Variants in TDP2 observed in about 807,000 individuals in gnomAD.
TDP2 encodes the protein 5'-Tyr-DNA phosphodiesterase.
Under a neutral mutation model 42.8 loss-of-function variants are expected in TDP2, and 38 were observed. The ratio of observed to expected loss-of-function variants is 0.89; its 90% CI spans 0.68 to 1.16. TDP2 has a LOEUF of 1.16. Ranked by LOEUF, TDP2 falls within the 50% of genes most tolerant of loss-of-function variation. The pLI, the probability that TDP2 is intolerant of heterozygous loss-of-function variation, is 0.00. For synonymous variants in TDP2, 173 were observed against 150.6 expected, an observed-to-expected ratio of 1.15 and a Z score of -1.09; for missense variants, 439 against 439.3, an observed-to-expected ratio of 1.00 and a Z score of 0.01.
rs1458233192 is a variant in TDP2 at position 24,666,547 on chromosome 6, G to A, written c.230C>T (p.Thr77Ile). ...TTACTAGGTCTTGGGCTCAGAGATG[G>A]TTTCAGGTCGGCGTTCCAAGGCGCT... ...EESALERRPE[T>I]ISEPKTYVDL... Residue 77 changes from threonine to isoleucine, a missense_variant, in exon 2 of 7, where the codon ACC becomes ATC. Thr to Ile is a moderately conservative substitution (Grantham distance 89). Transcript: ENST00000378198. The A allele has an allele frequency of 3.7e-6, 6 of 1,614,106 alleles. No homozygotes were observed. Among genetic ancestry groups the A allele is most frequent in the Non-Finnish European group, 5.1e-6 (6 of 1,179,952 alleles).
chr6:24,657,920 A>C lies in TDP2; in HGVS notation c.426-17T>G, dbSNP rs780943994. The C allele has an allele frequency of 1.6e-4, 236 of 1,457,276 alleles. No individual in the cohort carries two copies. The highest frequency in any genetic ancestry group is 1.8e-4 in the Non-Finnish European group (187 of 1,067,542). 90.3% of individuals were successfully genotyped at this position (1,457,276 alleles called of 1,614,324 possible). A position where few individuals can be genotyped will look rare whatever the true frequency, so the allele number is the denominator to read the frequency against. ...GGGCTGTACCTAATGAAAAACATCA[A>C]TTTATGACAAATACCAAGTATACCA... On this transcript the variant is annotated splice_polypyrimidine_tract_variant and intron_variant, in intron 3 of 6. Transcript: ENST00000378198.
chr6:24,656,538 C>G (rs1435916230), intron 4 of TDP2, among the ~76,000 whole-genome samples: 4 of 151,942 alleles, frequency 2.6e-5, no homozygotes, highest in African/African-American at 9.7e-5. Flanking sequence ...AAGTTCCCAC[C>G]AAGCATTCAG....
Position 24,666,747 on chromosome 6 carries a change from T to C in TDP2, c.116A>G (p.Asp39Gly), listed in dbSNP as rs200485971. The C allele has an allele frequency of 5.6e-6, 9 of 1,614,254 alleles. No homozygotes were observed. In the East Asian group the frequency reaches 6.7e-5, roughly 12 times the overall value. ...CVEFASVASC[D>G]AAVAQCFLAE... The stretch of plus-strand genomic sequence containing the variant: ...CAGGAAGCACTGAGCCACTGCGGCA[T>C]CGCAGCTTGCGACCGAGGCAAACTC... The change falls in exon 1 of 7, where the codon GAT (aspartate) becomes GGT (glycine). Residue 39 changes from aspartate (D) to glycine (G), a missense_variant. Physicochemically the swap from Asp to Gly is moderately conservative, Grantham distance 94 (BLOSUM62 -1). Coordinates refer to ENST00000378198, the MANE Select transcript of TDP2 (RefSeq NM_016614.3).
intron 2 of TDP2, chr6:24,666,266 G>C (rs1778233212): frequency 6.5e-7 from 1 of 1,543,610 alleles, no homozygotes; most frequent in Admixed American, 2.0e-5. Flanking sequence ...TTTCATTTGA[G>C]TTAAACATTA....
rs145708673 is a variant in TDP2, at chr6:24,650,542, G to A, written c.*246C>T. On this transcript the variant is annotated 3_prime_UTR_variant, in exon 7 of 7. Transcript: ENST00000378198. ...AATCCAGCTGGCAGCTATAAGCACC[G>A]TTGAAAACTCTGACAGGCTTTGTGC... 1.1e-4 allele frequency: 54 copies of A among 479,210 alleles called. 1 individual carries two copies. The highest frequency in any genetic ancestry group is 8.2e-4 in the East Asian group (22 of 26,902). 29.7% of individuals were successfully genotyped at this position (479,210 alleles called of 1,614,324 possible). A position where few individuals can be genotyped will look rare whatever the true frequency, so the allele number is the denominator to read the frequency against.
At chr6:24,654,389 C>A in intron 5 of TDP2, 23 bp downstream of exon 5, 1 of 1,139,624 alleles carries the variant, frequency 8.8e-7, no homozygotes, top group Non-Finnish European at 1.3e-6. Context: ...TTATAAAACA[C>A]TCAATTTTTA....
At position 24,650,617 on chromosome 6, in the gene TDP2, A is replaced by T; in HGVS notation, c.*171T>A. 1.5e-6 allele frequency: 1 copy of T among 679,940 alleles called. No homozygotes were observed. The highest frequency in any genetic ancestry group is 2.4e-6 in the Non-Finnish European group (1 of 413,976). The allele number at this position is 679,940 out of a possible 1,614,324, so 42.1% of individuals were successfully genotyped here. A position where few individuals can be genotyped will look rare whatever the true frequency, so the allele number is the denominator to read the frequency against. On this transcript the variant is annotated 3_prime_UTR_variant, in exon 7 of 7. Transcript: ENST00000378198. ...CCTGAATGCAGGAATGTGTTCGTTT[A>T]AATAAACATTAATCTTTAATGTTGA...
chr6:24,666,778 A>G lies in TDP2; in HGVS notation c.85T>C (p.Cys29Arg). 2 of 1,614,196 alleles carry G rather than the reference A, an allele frequency of 1.2e-6. 1 individual carries two copies. Among genetic ancestry groups the G allele is most frequent in the South Asian group, 2.2e-5 (2 of 91,086 alleles). Residue 29 changes from cysteine to arginine, a missense_variant, in exon 1 of 7, where the codon TGT becomes CGT. Physicochemically the swap from Cys to Arg is radical, Grantham distance 180. Coordinates refer to ENST00000378198, the MANE Select transcript of TDP2 (RefSeq NM_016614.3). ...EPEVKKRRLL[C>R]VEFASVASCD... ...CTTGCGACCGAGGCAAACTCCACAC[A>G]CAGAAGTCGCCGCTTTTTCACCTCA... is the stretch of plus-strand genomic sequence containing the variant.
chr6:24,663,566 G>T (rs1778187862), intron 2 of TDP2, among the ~76,000 whole-genome samples: 1 of 152,150 alleles, frequency 6.6e-6, no homozygotes, highest in Admixed American at 6.5e-5. Flanking sequence ...AGGTGTTTGG[G>T]TCATGGAGGC....
At chr6:24,659,342 G>A (rs1428509955) in intron 2 of TDP2, among the ~76,000 whole-genome samples, 1 of 152,202 alleles carries the variant, frequency 6.6e-6, no homozygotes, top group East Asian at 1.9e-4. Flanking sequence ...TGGTGTCTCA[G>A]GGTATTGACT....
At chr6:24,651,099 A>G in intron 6 of TDP2, 30 bp from the exon 7 acceptor site, 1 of 1,513,858 alleles carries the variant, frequency 6.6e-7, no homozygotes, top group Non-Finnish European at 8.9e-7. Context: ...TCTCTAAGAT[A>G]CACATAGCCT....
chr6:24,662,974 CA>C (rs1778177600), intron 2 of TDP2, among the ~76,000 whole-genome samples: 2 of 152,182 alleles, frequency 1.3e-5, no homozygotes, highest in South Asian at 4.1e-4. Context: ...GTTTGCTCAT[CA>C]CATCAGGCCC....
chr6:24,659,890 A>T (rs1032908234), intron 2 of TDP2, among the ~76,000 whole-genome samples: 2 of 152,168 alleles, frequency 1.3e-5, no homozygotes, highest in Admixed American at 1.3e-4. Flanking sequence ...TGGAACTGCC[A>T]TGTAAAAAGT....
intron 4 of TDP2, among the ~76,000 whole-genome samples, chr6:24,655,659 G>T (rs958942251): frequency 6.6e-6 from 1 of 152,140 alleles, no homozygotes. Context: ...GTTAGCCCAC[G>T]GCTGATAGGT....
intron 2 of TDP2, among the ~76,000 whole-genome samples, chr6:24,664,119 C>A (rs548041750): frequency 1.2e-4 from 19 of 152,080 alleles, no homozygotes; most frequent in Admixed American, 3.9e-4. Flanking sequence ...TGTGTTAGGC[C>A]AGTGCTCCTC....
intron 2 of TDP2, among the ~76,000 whole-genome samples, chr6:24,661,820 T>G (rs1318114656): frequency 3.5e-5 from 2 of 56,470 alleles, no homozygotes; most frequent in East Asian, 1.4e-3. Flanking sequence ...CGTCTTACTG[T>G]GGGGGAAAGA....
intron 6 of TDP2, 48 bp from the exon 7 acceptor site, chr6:24,651,117 A>C (rs775050456): frequency 2.1e-5 from 27 of 1,309,088 alleles, no homozygotes; most frequent in Admixed American, 2.8e-5. Context: ...CCTTTTGCCC[A>C]CTAACTTAAA....
Position 24,650,426 on chromosome 6 carries a change from C to G in TDP2, c.*362G>C. ...AGAACTCAATAATCTCTTATGTTTTCTTTTGAAGACTTATTTCAAATATTA... is the reference window on the plus strand; with the variant it reads ...AGAACTCAATAATCTCTTATGTTTTGTTTTGAAGACTTATTTCAAATATTA... On this transcript the variant is annotated 3_prime_UTR_variant, in exon 7 of 7. Transcript: ENST00000378198. 5.1e-6 allele frequency: 1 copy of G among 196,002 alleles called. No individual in the cohort carries two copies. The highest frequency in any genetic ancestry group is 1.1e-4 in the South Asian group (1 of 9,356). 12.1% of individuals were successfully genotyped at this position (196,002 alleles called of 1,614,324 possible). A position where few individuals can be genotyped will look rare whatever the true frequency, so the allele number is the denominator to read the frequency against.
intron 4 of TDP2, among the ~76,000 whole-genome samples, chr6:24,655,775 C>A (rs1056598837): frequency 1.3e-5 from 2 of 152,118 alleles, no homozygotes; most frequent in African/African-American, 4.8e-5. Context: ...GTCCCAACAC[C>A]CAGAAGGCAG....
Sources: allele counts gnomAD v4.1 joint callset (sites outside exome capture counted in the v4.1 genomes callset), GRCh38; gene constraint gnomAD v4.1.1; transcripts MANE v1.5; gene names NCBI Gene and HGNC (gene_info 2026-07-23, HGNC 2026-07-21).